Variants in SCN9A observed in about 807,000 individuals in gnomAD.
SCN9A encodes sodium voltage-gated channel alpha subunit 9, also known as sodium channel protein type 9 subunit alpha.
Under a neutral mutation model 187.0 loss-of-function variants are expected in SCN9A, and 131 were observed. The observed-to-expected ratio is 0.70, with a 90% CI of 0.61 to 0.81. SCN9A has a LOEUF of 0.81. Among genes scored for constraint, SCN9A ranks in the 30% least tolerant of loss-of-function variants. The pLI, the probability that SCN9A is intolerant of heterozygous loss-of-function variation, is 0.00. For synonymous variants in SCN9A, 809 were observed against 808.6 expected (o/e 1.00, Z -0.01); for missense variants, 2,252 against 2,396.6 (o/e 0.94, Z 1.26).
At chr2:166,257,285 G>A (rs771506432) in intron 17 of SCN9A, among the ~76,000 whole-genome samples, 10 of 151,504 alleles carry the variant, frequency 6.6e-5, no homozygotes, top group Non-Finnish European at 1.5e-5. Flanking sequence ...CAAACATAAA[G>A]GCAAAGTGTA....
At chr2:166,279,623 T>C (rs2106473894) in intron 14 of SCN9A, among the ~76,000 whole-genome samples, 1 of 152,288 alleles carries the variant, frequency 6.6e-6, no homozygotes, top group Non-Finnish European at 1.5e-5. Flanking sequence ...TCAACCATTT[T>C]GGTTTCTCAA....
In SCN9A at chr2:166,252,463, T is replaced by C. The variant is rs181200890; in HGVS notation, c.3352-578A>G. On this transcript the variant is annotated intron_variant, in intron 17 of 26. Transcript: ENST00000642356. The stretch of plus-strand genomic sequence containing the variant: ...GATGATATAGATAGAAGTTCTTTGA[T>C]CAAGACCACAAAATCAAATACGGTT... 5.9e-5 allele frequency among the ~76,000 whole-genome samples: 9 copies of C among 152,064 alleles called. No homozygotes were observed. In the East Asian group the frequency reaches 1.7e-3, roughly 29 times the overall value.
intron 17 of SCN9A, among the ~76,000 whole-genome samples, chr2:166,266,910 C>T (rs1249316788): frequency 1.3e-5 from 2 of 151,872 alleles, no homozygotes; most frequent in South Asian, 2.1e-4. Context: ...TTTGTGTCCT[C>T]CAACATTACT....
intron 17 of SCN9A, among the ~76,000 whole-genome samples, chr2:166,266,486 A>C (rs1239448607): frequency 6.6e-6 from 1 of 151,076 alleles, no homozygotes; most frequent in Non-Finnish European, 1.5e-5. Context: ...TTTTGAAGTC[A>C]GTTAGTGTGA....
At chr2:166,328,264 CTTTTA>C (rs1367970656) in intron 1 of SCN9A, among the ~76,000 whole-genome samples, 4 of 150,726 alleles carry the variant, frequency 2.7e-5, no homozygotes, top group African/African-American at 4.9e-5. Context: ...TTTTTTTTAA[CTTTTA>C]TTTTAAGTTC....
At chr2:166,346,103 TG>T (rs1418417934) in intron 1 of SCN9A, among the ~76,000 whole-genome samples, 1 of 152,154 alleles carries the variant, frequency 6.6e-6, no homozygotes, top group Non-Finnish European at 1.5e-5. Context: ...TGTGCTGCTG[TG>T]GGAGGTAATT....
chr2:166,220,350 T>C (rs1051648527), intron 24 of SCN9A, among the ~76,000 whole-genome samples: 3 of 152,210 alleles, frequency 2.0e-5, no homozygotes, highest in African/African-American at 7.2e-5. Context: ...AGGTGAGACC[T>C]TTAAGAGGTG....
At chr2:166,229,319 T>C (rs977722072) in intron 21 of SCN9A, among the ~76,000 whole-genome samples, 1 of 151,946 alleles carries the variant, frequency 6.6e-6, no homozygotes, top group Non-Finnish European at 1.5e-5. Context: ...CTGTTATTGA[T>C]AAGGTAAACT....
chr2:166,295,918 C>A (rs984341260), intron 7 of SCN9A: 4 of 152,158 alleles, frequency 2.6e-5, no homozygotes, highest in African/African-American at 9.7e-5. Flanking sequence ...AGACTGGGGG[C>A]AGATCTATCC....
At chr2:166,266,387 A>G (rs1437988536) in intron 17 of SCN9A, among the ~76,000 whole-genome samples, 1 of 150,862 alleles carries the variant, frequency 6.6e-6, no homozygotes, top group Non-Finnish European at 1.5e-5. Flanking sequence ...GTGTAGATTT[A>G]TTTCTGGGCT....
At chr2:166,222,837 A>G (rs1276631396) in intron 24 of SCN9A, among the ~76,000 whole-genome samples, 1 of 143,506 alleles carries the variant, frequency 7.0e-6, no homozygotes, top group African/African-American at 2.7e-5. Flanking sequence ...AGGCTGAGGC[A>G]GGAGAATGGC....
chr2:166,338,535 A>G (rs1055897112), intron 1 of SCN9A, among the ~76,000 whole-genome samples: 1 of 152,120 alleles, frequency 6.6e-6, no homozygotes, highest in Non-Finnish European at 1.5e-5. Flanking sequence ...CAAAAATAGT[A>G]CTAAATATTC....
At chr2:166,290,297 T>G (rs1395396739) in intron 9 of SCN9A, among the ~76,000 whole-genome samples, 1 of 152,180 alleles carries the variant, frequency 6.6e-6, no homozygotes, top group Non-Finnish European at 1.5e-5. Context: ...TGTACCACAT[T>G]TTCTTTATAC....
At chr2:166,279,439 G>A (rs989150154) in intron 14 of SCN9A, among the ~76,000 whole-genome samples, 3 of 152,076 alleles carry the variant, frequency 2.0e-5, no homozygotes, top group Non-Finnish European at 4.4e-5. Context: ...AAATGAACTG[G>A]TGCCTGCCTC....
chr2:166,250,296 G>T lies in SCN9A; in HGVS notation c.3472+1469C>A, dbSNP rs1386600810. Among the ~76,000 whole-genome samples, 3 of 152,246 alleles carry T rather than the reference G, an allele frequency of 2.0e-5. No homozygotes were observed. In the East Asian group the frequency reaches 5.8e-4, roughly 29 times the overall value. Reference sequence around the variant, plus strand: ...ATGACTAGATAAGTCATTAGCATCTGTGCTATCATAACTTCTGTATAAGAT... The same window carrying T: ...ATGACTAGATAAGTCATTAGCATCTTTGCTATCATAACTTCTGTATAAGAT... On this transcript the variant is annotated intron_variant, in intron 18 of 26. Transcript: ENST00000642356.
intron 9 of SCN9A, among the ~76,000 whole-genome samples, chr2:166,292,026 C>A (rs938641167): frequency 2.0e-5 from 3 of 152,016 alleles, no homozygotes; most frequent in African/African-American, 7.2e-5. Flanking sequence ...GACTTCATGA[C>A]AAAAATACCA....
chr2:166,321,793 CTTTTTT>C (rs142400656), intron 1 of SCN9A, among the ~76,000 whole-genome samples: 3 of 118,774 alleles, frequency 2.5e-5, no homozygotes, highest in African/African-American at 6.6e-5. Flanking sequence ...CTGGCAAAAT[CTTTTTT>C]TTTTTTTTTT....
chr2:166,220,284 G>A (rs1446269278), intron 24 of SCN9A, among the ~76,000 whole-genome samples: 1 of 152,146 alleles, frequency 6.6e-6, no homozygotes, highest in Non-Finnish European at 1.5e-5. Flanking sequence ...TAACTTGAAG[G>A]TTTGTCCCCT....
At chr2:166,217,572 A>G (rs113326547) in intron 24 of SCN9A, among the ~76,000 whole-genome samples, 1,734 of 152,250 alleles carry the variant, frequency 0.011, 40 homozygotes, top group African/African-American at 0.038. Context: ...GACATTTCTC[A>G]AAAGAAGAGA....
Sources: gnomAD v4.1 joint callset for allele counts (sites outside exome capture counted in the v4.1 genomes callset) on GRCh38, gnomAD v4.1.1 for gene constraint, MANE v1.5 for transcripts, NCBI Gene and HGNC (gene_info 2026-07-23, HGNC 2026-07-21) for gene names.